The following DGLUCY variants were observed in gnomAD, a reference collection of about 807,000 sequenced individuals.
DGLUCY encodes the protein D-glutamate cyclase.
In DGLUCY, 58 loss-of-function variants were observed where a neutral mutation model predicts 58.5. The ratio of observed to expected loss-of-function variants is 0.99; its 90% confidence interval spans 0.80 to 1.23. DGLUCY has a LOEUF of 1.23. Among genes scored for constraint, DGLUCY ranks in the 50% most tolerant of loss-of-function variants. The pLI, the probability that DGLUCY is intolerant of heterozygous loss-of-function variation, is 0.00. For missense variants in DGLUCY, 779 were observed against 784.7 expected (o/e 0.99, Z 0.09); for synonymous variants, 325 against 314.1 (o/e 1.03, Z -0.37).
chr14:91,170,393 C>T (rs2048513504), intron 5 of DGLUCY, among the ~76,000 whole-genome samples, 192 bp downstream of exon 5: 1 of 152,230 alleles, frequency 6.6e-6, no homozygotes, highest in African/African-American at 2.4e-5. Context: ...GTCCCACTCA[C>T]CTCTGGGACC....
At chr14:91,113,983 C>T (rs944328127), upstream of DGLUCY, 4 of 152,286 alleles carry the variant, frequency 2.6e-5, no homozygotes, top group South Asian at 2.1e-4. Flanking sequence ...CTTGCAGGGT[C>T]CAGCCAGCTG....
intron 3 of DGLUCY, among the ~76,000 whole-genome samples, chr14:91,166,811 C>A (rs1026178129): frequency 6.6e-6 from 1 of 151,826 alleles, no homozygotes; most frequent in Non-Finnish European, 1.5e-5. Flanking sequence ...TTAAAAAAAT[C>A]ACAGAGGGGC....
chr14:91,148,121 C>T (rs1352262414), intron 1 of DGLUCY, among the ~76,000 whole-genome samples: 1 of 152,094 alleles, frequency 6.6e-6, no homozygotes, highest in Non-Finnish European at 1.5e-5. Context: ...TTACAGTGAG[C>T]CAAGATTGCA....
chr14:91,102,743 A>ATGTGTGTGTGGG (rs2044511292), intron 1 of DGLUCY, among the ~76,000 whole-genome samples: 1 of 130,586 alleles, frequency 7.7e-6, no homozygotes, highest in Non-Finnish European at 1.6e-5. Context: ...TCCAGTGTGT[A>ATGTGTGTGTGGG]TGTGTGTGTG....
In DGLUCY at chr14:91,185,271, A is replaced by ATTTT. The variant is rs35639010; in HGVS notation, c.935-3613_935-3610dup. Among the ~76,000 whole-genome samples the ATTTT allele has an allele frequency of 2.2e-3, 84 of 38,374 alleles. 13 individuals are homozygous for ATTTT. Among genetic ancestry groups the ATTTT allele is most frequent in the African/African-American group, 5.0e-3 (52 of 10,464 alleles). 25.2% of individuals were successfully genotyped at this position (38,374 alleles called of 152,430 possible). A position where few individuals can be genotyped will look rare whatever the true frequency, so the allele number is the denominator to read the frequency against. ...GGTGTGAGCCACCGTGCCCAGCCGG[A>ATTTT]TTTTTTTTTTTTTTTTTTTTTTTTT... On this transcript the variant is annotated intron_variant, in intron 8 of 13. Transcript: ENST00000256324.
At chr14:91,073,231 A>G (rs986333939) in intron 1 of DGLUCY, among the ~76,000 whole-genome samples, 1 of 152,122 alleles carries the variant, frequency 6.6e-6, no homozygotes, top group African/African-American at 2.4e-5. Flanking sequence ...GCCTGAGCTC[A>G]GGAGTTCGAG....
At chr14:91,065,935 C>T (rs1462684672) in intron 1 of DGLUCY, among the ~76,000 whole-genome samples, 3 of 152,138 alleles carry the variant, frequency 2.0e-5, no homozygotes. Context: ...GTCACTGCTC[C>T]CTCCTGCCCT....
At chr14:91,074,161 A>ACACATC (rs71120110) in intron 1 of DGLUCY, among the ~76,000 whole-genome samples, 1 of 128,630 alleles carries the variant, frequency 7.8e-6, no homozygotes, top group African/African-American at 3.3e-5. Context: ...ACACACACAC[A>ACACATC]GTCAAGCACC....
chr14:91,075,772 C>T lies in DGLUCY; in HGVS notation c.-82+15068C>T, dbSNP rs557764947. On this transcript the variant is annotated intron_variant, in intron 1 of 4. Transcript: ENST00000521334. The stretch of plus-strand genomic sequence containing the variant: ...GTGGTTCATTTCCTTATTTATTCAG[C>T]ATCTTTACTGGACCCTTTCTGTGTG... Among the ~76,000 whole-genome samples the T allele has an allele frequency of 2.6e-5, 4 of 152,296 alleles. No homozygotes were observed. The South Asian group carries it at 8.3e-4, about 32-fold the overall frequency.
chr14:91,122,609 T>G (rs1265374517), intron 1 of DGLUCY, among the ~76,000 whole-genome samples: 4 of 133,516 alleles, frequency 3.0e-5, no homozygotes, highest in African/African-American at 5.8e-5. Context: ...AAAGTTTTTT[T>G]TTTTTTTTTT....
At chr14:91,167,740 T>C (rs1203825002) in intron 4 of DGLUCY, 4 of 684,166 alleles carry the variant, frequency 5.8e-6, no homozygotes, top group South Asian at 3.1e-5. Context: ...GACAGAGATA[T>C]TGTGTCTGTT....
At chr14:91,183,226 G>A (rs2140467125) in intron 8 of DGLUCY, among the ~76,000 whole-genome samples, 1 of 152,096 alleles carries the variant, frequency 6.6e-6, no homozygotes, top group Non-Finnish European at 1.5e-5. Flanking sequence ...AAACTCCTGA[G>A]CTCAAGTGGT....
chr14:91,062,566 T>A (rs868240094), intron 1 of DGLUCY, among the ~76,000 whole-genome samples: 5,034 of 12,246 alleles, frequency 0.41, 647 homozygotes, highest in Non-Finnish European at 0.47. Flanking sequence ...AAAATATATA[T>A]ATATATATAT....
At chr14:91,201,664 G>A (rs932771157) in intron 11 of DGLUCY, among the ~76,000 whole-genome samples, 2 of 151,978 alleles carry the variant, frequency 1.3e-5, no homozygotes, top group African/African-American at 4.8e-5. Context: ...GCCTGGTCTC[G>A]AACTCCTGAG....
At chr14:91,191,726 T>G (rs951836206) in intron 9 of DGLUCY, among the ~76,000 whole-genome samples, 28 of 152,188 alleles carry the variant, frequency 1.8e-4, no homozygotes, top group African/African-American at 6.8e-4. Context: ...AGATGTTGTA[T>G]CTATTTTGCA....
At chr14:91,082,127 T>A (rs1669466655) in intron 1 of DGLUCY, among the ~76,000 whole-genome samples, 2 of 152,172 alleles carry the variant, frequency 1.3e-5, no homozygotes, top group Admixed American at 1.3e-4. Flanking sequence ...GGGCATATTA[T>A]TCAGCCTGCT....
chr14:91,185,268 C>T (rs1229426127), intron 8 of DGLUCY, among the ~76,000 whole-genome samples: 2 of 107,070 alleles, frequency 1.9e-5, no homozygotes, highest in East Asian at 2.3e-4. Flanking sequence ...CGTGCCCAGC[C>T]GGATTTTTTT....
intron 3 of DGLUCY, among the ~76,000 whole-genome samples, chr14:91,166,973 A>G (rs1320752912): frequency 1.3e-5 from 2 of 151,938 alleles, no homozygotes; most frequent in Non-Finnish European, 2.9e-5. Context: ...TTTAGTCTCT[A>G]CTAAAAATAC....
chr14:91,215,291 A>G, intron 12 of DGLUCY, 114 bp from the exon 13 acceptor site: 2 of 1,480,176 alleles, frequency 1.4e-6, no homozygotes, highest in Non-Finnish European at 1.8e-6. Context: ...CCCAGATGAT[A>G]CTGGTGCTAC....
Sources: allele counts gnomAD v4.1 joint callset (sites outside exome capture counted in the v4.1 genomes callset), GRCh38; gene constraint gnomAD v4.1.1; transcripts MANE v1.5; gene names NCBI Gene and HGNC (gene_info 2026-07-23, HGNC 2026-07-21).